The following RAP1A variants were observed in gnomAD, a reference collection of about 807,000 sequenced individuals.
RAP1A encodes ras-related protein Rap-1A.
A neutral mutation model predicts 26.4 loss-of-function variants in RAP1A; 6 were observed. That is an observed-to-expected ratio of 0.23 (90% CI 0.12 to 0.45). RAP1A has a LOEUF of 0.45. Among genes scored for constraint, RAP1A ranks in the 20% least tolerant of loss-of-function variants. RAP1A has a pLI of 0.99. For synonymous variants in RAP1A, 73 were observed against 79.4 expected (o/e 0.92, Z 0.43); for missense variants, 121 against 217.2 (o/e 0.56, Z 2.78).
intron 1 of RAP1A, among the ~76,000 whole-genome samples, chr1:111,556,141 CA>C (rs2101041558): frequency 6.6e-6 from 1 of 152,158 alleles, no homozygotes; most frequent in African/African-American, 2.4e-5. Flanking sequence ...AAGAGATATA[CA>C]AATGGTCAGT....
At chr1:111,613,832 T>G (rs1178224374) in intron 1 of RAP1A, among the ~76,000 whole-genome samples, 3 of 152,216 alleles carry the variant, frequency 2.0e-5, no homozygotes, top group East Asian at 3.8e-4. Flanking sequence ...ATCAACAATC[T>G]ATGGACCACA....
At chr1:111,592,682 T>C (rs1221517906) in intron 1 of RAP1A, among the ~76,000 whole-genome samples, 1 of 152,164 alleles carries the variant, frequency 6.6e-6, no homozygotes, top group Non-Finnish European at 1.5e-5. Context: ...TCCAGCTCTC[T>C]CAATGAAGTT....
chr1:111,666,384 C>T (rs1019335787), intron 1 of RAP1A, among the ~76,000 whole-genome samples: 22 of 152,108 alleles, frequency 1.4e-4, no homozygotes, highest in Non-Finnish European at 1.3e-4. Flanking sequence ...GCAACATGTG[C>T]ATATATTAGT....
At chr1:111,701,717 G>C (rs1011641296) in intron 4 of RAP1A, among the ~76,000 whole-genome samples, 1 of 152,184 alleles carries the variant, frequency 6.6e-6, no homozygotes, top group Non-Finnish European at 1.5e-5. Context: ...CAGGTTGCCT[G>C]TATGTTTATT....
chr1:111,594,711 A>C (rs528260430), intron 1 of RAP1A, among the ~76,000 whole-genome samples: 2 of 152,314 alleles, frequency 1.3e-5, no homozygotes, highest in Non-Finnish European at 2.9e-5. Flanking sequence ...GCCTCTGCTC[A>C]TTTAGTCTTC....
intron 1 of RAP1A, among the ~76,000 whole-genome samples, chr1:111,597,414 T>C (rs867163962): frequency 6.6e-6 from 1 of 152,032 alleles, no homozygotes; most frequent in African/African-American, 2.4e-5. Context: ...GCCCAAGAAA[T>C]AAAAAGCATG....
intron 1 of RAP1A, among the ~76,000 whole-genome samples, chr1:111,556,039 A>G (rs1374224932): frequency 6.6e-6 from 1 of 152,236 alleles, no homozygotes; most frequent in Non-Finnish European, 1.5e-5. Context: ...AATATATAAA[A>G]CGCACAAGAA....
chr1:111,572,236 A>G (rs1489458536), intron 1 of RAP1A, among the ~76,000 whole-genome samples: 1 of 152,252 alleles, frequency 6.6e-6, no homozygotes, highest in Admixed American at 6.5e-5. Context: ...AGGCTCTTGC[A>G]TTAAAAGGCA....
chr1:111,661,541 C>T (rs1161288317), intron 1 of RAP1A, among the ~76,000 whole-genome samples: 2 of 152,182 alleles, frequency 1.3e-5, no homozygotes, highest in Non-Finnish European at 2.9e-5. Context: ...TGGCTCATGC[C>T]TGTAATCCCA....
chr1:111,605,119 C>T (rs1658745612), intron 1 of RAP1A, among the ~76,000 whole-genome samples: 1 of 152,138 alleles, frequency 6.6e-6, no homozygotes, highest in East Asian at 1.9e-4. Context: ...AAGAGGAGAC[C>T]CAAACCCAGA....
chr1:111,554,205 TGA>T (rs1488623452), intron 1 of RAP1A, among the ~76,000 whole-genome samples: 1 of 152,216 alleles, frequency 6.6e-6, no homozygotes. Context: ...TTGTGAAAAT[TGA>T]ATTAACACAC....
chr1:111,626,474 C>A (rs754070496), intron 1 of RAP1A, among the ~76,000 whole-genome samples: 12 of 151,928 alleles, frequency 7.9e-5, no homozygotes, highest in Non-Finnish European at 1.3e-4. Flanking sequence ...CTCTGTTTAA[C>A]GTCAGAAGTT....
intron 4 of RAP1A, among the ~76,000 whole-genome samples, chr1:111,699,463 C>CTTTTTTTTTTTTTTTTT (rs11435540): frequency 8.1e-6 from 1 of 124,182 alleles, no homozygotes; most frequent in African/African-American, 3.0e-5. Flanking sequence ...CTCACTTCCT[C>CTTTTTTTTTTTTTTTTT]TTTTTTTTTT....
intron 1 of RAP1A, among the ~76,000 whole-genome samples, chr1:111,624,928 G>GA (rs1028442033): frequency 4.0e-5 from 6 of 150,752 alleles, no homozygotes; most frequent in Non-Finnish European, 5.9e-5. Flanking sequence ...AGATAAATCT[G>GA]AAAAAAAAAT....
At chr1:111,582,228 G>A (rs1315309321) in intron 1 of RAP1A, among the ~76,000 whole-genome samples, 1 of 152,206 alleles carries the variant, frequency 6.6e-6, no homozygotes, top group East Asian at 1.9e-4. Flanking sequence ...ACAGTCGTTT[G>A]GTGAGGCTAT....
chr1:111,604,146 G>A (rs1009526051), intron 1 of RAP1A, among the ~76,000 whole-genome samples: 1 of 152,150 alleles, frequency 6.6e-6, no homozygotes, highest in African/African-American at 2.4e-5. Flanking sequence ...CTGAGGCTGC[G>A]GTGGTGACTC....
chr1:111,700,535 C>G (rs541400384), intron 4 of RAP1A, among the ~76,000 whole-genome samples: 68 of 152,332 alleles, frequency 4.5e-4, no homozygotes, highest in Admixed American at 9.1e-4. Flanking sequence ...CCACAGGCCT[C>G]ACCTCCAACA....
At chr1:111,544,524 T>TG (rs1656966058) in intron 1 of RAP1A, among the ~76,000 whole-genome samples, 1 of 152,196 alleles carries the variant, frequency 6.6e-6, no homozygotes, top group Non-Finnish European at 1.5e-5. Flanking sequence ...TGTTGTAACA[T>TG]GCATTGTATC....
intron 1 of RAP1A, among the ~76,000 whole-genome samples, chr1:111,614,338 C>T (rs1461960134): frequency 6.6e-6 from 1 of 152,168 alleles, no homozygotes; most frequent in African/African-American, 2.4e-5. Context: ...TGGTATTTTT[C>T]CTGCCTTTGT....
Sources: gnomAD v4.1 joint callset for allele counts (sites outside exome capture counted in the v4.1 genomes callset) on GRCh38, gnomAD v4.1.1 for gene constraint, MANE v1.5 for transcripts, NCBI Gene and HGNC (gene_info 2026-07-23, HGNC 2026-07-21) for gene names.